Variants in BAIAP2L1 observed in about 807,000 individuals in gnomAD.
BAIAP2L1 encodes BAR/IMD domain-containing adapter protein 2-like 1.
A neutral mutation model predicts 66.3 loss-of-function variants in BAIAP2L1; 35 were observed. That is an observed-to-expected ratio of 0.53 (90% CI 0.40 to 0.70). BAIAP2L1 has a LOEUF of 0.70. Among genes scored for constraint, BAIAP2L1 ranks in the 30% least tolerant of loss-of-function variants. The pLI is 0.00. For synonymous variants in BAIAP2L1, 269 were observed against 248.7 expected (o/e 1.08, Z -0.77); for missense variants, 622 against 656.9 (o/e 0.95, Z 0.58).
intron 1 of BAIAP2L1, among the ~76,000 whole-genome samples, chr7:98,372,550 C>T (rs907763978): frequency 6.6e-6 from 1 of 151,988 alleles, no homozygotes; most frequent in South Asian, 2.1e-4. Flanking sequence ...AGTAAATATG[C>T]AGTTCTGTGG....
rs1054545782 is a variant in BAIAP2L1 at position 98,327,321 on chromosome 7, A to G, written c.215-7023T>C. Among the ~76,000 whole-genome samples, 3 of 151,832 alleles carry G rather than the reference A, an allele frequency of 2.0e-5. No individual in the cohort carries two copies. In the East Asian group the frequency reaches 5.8e-4, roughly 29 times the overall value. ...GGTTGCAGTAAGCTGAGATCATGCC[A>G]CTGCACTCCAGCCTAGGCAACAGAG... On this transcript the variant is annotated intron_variant, in intron 3 of 13. Transcript: ENST00000005260.
At chr7:98,383,395 T>C (rs1584501447) in intron 1 of BAIAP2L1, among the ~76,000 whole-genome samples, 1 of 151,224 alleles carries the variant, frequency 6.6e-6, no homozygotes, top group Non-Finnish European at 1.5e-5. Context: ...GCGATTCTCC[T>C]GCCTCAGCCT....
intron 3 of BAIAP2L1, among the ~76,000 whole-genome samples, chr7:98,345,590 T>G (rs905900005): frequency 3.3e-5 from 5 of 151,474 alleles, no homozygotes; most frequent in African/African-American, 4.8e-5. Context: ...CTGGGTGTGG[T>G]GGGGGGGTAC....
At chr7:98,333,746 C>A (rs1801551850) in intron 3 of BAIAP2L1, among the ~76,000 whole-genome samples, 1 of 146,472 alleles carries the variant, frequency 6.8e-6, no homozygotes, top group Admixed American at 7.0e-5. Flanking sequence ...CCACCCTCCC[C>A]AAACTAAGGG....
chr7:98,363,250 G>C (rs1802315578), intron 1 of BAIAP2L1, among the ~76,000 whole-genome samples: 1 of 151,906 alleles, frequency 6.6e-6, no homozygotes, highest in African/African-American at 2.4e-5. Context: ...GGCCAGGCTG[G>C]TCTCGAACTC....
At chr7:98,318,369 C>T (rs1412165622) in intron 5 of BAIAP2L1, among the ~76,000 whole-genome samples, 3 of 152,102 alleles carry the variant, frequency 2.0e-5, no homozygotes, top group Non-Finnish European at 4.4e-5. Flanking sequence ...CGCCACTGCA[C>T]TCTCTGCCTC....
intron 3 of BAIAP2L1, among the ~76,000 whole-genome samples, chr7:98,332,535 C>T (rs967380192): frequency 7.9e-5 from 12 of 151,480 alleles, no homozygotes; most frequent in Admixed American, 2.0e-4. Flanking sequence ...ACAGGCCTGG[C>T]GCAGTGGCTC....
intron 1 of BAIAP2L1, among the ~76,000 whole-genome samples, chr7:98,379,504 G>A (rs976636096): frequency 2.0e-5 from 3 of 152,154 alleles, no homozygotes; most frequent in African/African-American, 4.8e-5. Flanking sequence ...TGCCAGGCTC[G>A]GCCTTCTACC....
intron 3 of BAIAP2L1, among the ~76,000 whole-genome samples, chr7:98,334,073 G>A (rs181769216): frequency 8.1e-5 from 12 of 148,696 alleles, no homozygotes; most frequent in Admixed American, 3.3e-4. Flanking sequence ...TAAACTTCCC[G>A]GGGGACTCAT....
chr7:98,347,940 G>C (rs561348637), intron 3 of BAIAP2L1, among the ~76,000 whole-genome samples: 1 of 152,132 alleles, frequency 6.6e-6, no homozygotes. Flanking sequence ...GCTGAACAAT[G>C]AGAACATGGA....
chr7:98,399,805 G>C (rs1016637096), intron 1 of BAIAP2L1, among the ~76,000 whole-genome samples: 1 of 152,166 alleles, frequency 6.6e-6, no homozygotes, highest in African/African-American at 2.4e-5. Context: ...TTAAGAGACC[G>C]GCTATCAACG....
chr7:98,300,399 C>T (rs1800371632), intron 12 of BAIAP2L1, among the ~76,000 whole-genome samples: 1 of 152,216 alleles, frequency 6.6e-6, no homozygotes, highest in African/African-American at 2.4e-5. Flanking sequence ...GTGCTGTCTA[C>T]AGAGGCTGGA....
chr7:98,317,374 G>A lies in BAIAP2L1; in HGVS notation c.349-18C>T. 1 of 1,611,828 alleles carries A rather than the reference G, an allele frequency of 6.2e-7. No individual in the cohort carries two copies. Among genetic ancestry groups the A allele is most frequent in the Non-Finnish European group, 8.5e-7 (1 of 1,179,300 alleles). On this transcript the variant is annotated intron_variant, in intron 5 of 13. Coordinates refer to ENST00000005260, the MANE Select transcript of BAIAP2L1 (RefSeq NM_018842.5). ...AGAGTTGCCTGTAAGTTAAATGGCT[G>A]TGCTTATTTTACTGTGGCACCACAC...
chr7:98,328,025 T>G (rs941973548), intron 3 of BAIAP2L1, among the ~76,000 whole-genome samples: 2 of 152,188 alleles, frequency 1.3e-5, no homozygotes, highest in African/African-American at 4.8e-5. Context: ...ATTGTTTTTT[T>G]TTTTGGAGAA....
chr7:98,296,641 A>G (rs983274441), intron 12 of BAIAP2L1, among the ~76,000 whole-genome samples: 3 of 152,196 alleles, frequency 2.0e-5, no homozygotes, highest in Admixed American at 6.5e-5. Flanking sequence ...CAAAAAAACA[A>G]AAAACCAACA....
At chr7:98,393,303 C>T (rs1344083425) in intron 1 of BAIAP2L1, among the ~76,000 whole-genome samples, 1 of 151,324 alleles carries the variant, frequency 6.6e-6, no homozygotes, top group Non-Finnish European at 1.5e-5. Flanking sequence ...CGGCCTCCCA[C>T]AGTGCTGGGA....
intron 1 of BAIAP2L1, among the ~76,000 whole-genome samples, chr7:98,368,586 G>T (rs993558972): frequency 6.6e-6 from 1 of 152,098 alleles, no homozygotes; most frequent in Non-Finnish European, 1.5e-5. Context: ...AGCTACTTGG[G>T]GGGCTGAGGC....
rs912544075 is a variant in BAIAP2L1 at position 98,353,754 on chromosome 7, G to T, written c.214+1288C>A. The stretch of plus-strand genomic sequence containing the variant: ...GCAGGAGGATCACCTGAGGTCAGGA[G>T]TTCGAGATCAGCCTGGCCAACATGG... On this transcript the variant is annotated intron_variant, in intron 3 of 13. Transcript: ENST00000005260. Among the ~76,000 whole-genome samples, 9 of 148,282 alleles carry T rather than the reference G, an allele frequency of 6.1e-5. No homozygotes were observed. The East Asian group carries it at 1.8e-3, about 29-fold the overall frequency.
At chr7:98,400,541 A>C (rs1803342158) in intron 1 of BAIAP2L1, among the ~76,000 whole-genome samples, 1 of 112,646 alleles carries the variant, frequency 8.9e-6, no homozygotes. Flanking sequence ...GAGACAGGGA[A>C]GAAGCACAGG....
Sources: allele counts gnomAD v4.1 joint callset (sites outside exome capture counted in the v4.1 genomes callset), GRCh38; gene constraint gnomAD v4.1.1; transcripts MANE v1.5; gene names NCBI Gene and HGNC (gene_info 2026-07-23, HGNC 2026-07-21).